Variants in THSD7A observed in about 807,000 individuals in gnomAD.
The protein encoded by THSD7A is thrombospondin type-1 domain-containing protein 7A.
A neutral mutation model predicts 231.3 loss-of-function variants in THSD7A; 96 were observed. The ratio of observed to expected loss-of-function variants is 0.41; its 90% confidence interval spans 0.35 to 0.49. THSD7A has a LOEUF of 0.49. Ranked by LOEUF, THSD7A falls within the 20% of genes least tolerant of loss-of-function variation. THSD7A has a pLI of 0.05. For synonymous variants in THSD7A, 940 were observed against 743.3 expected, an observed-to-expected ratio of 1.26 and a Z score of -4.30; for missense variants, 2,290 against 2,070.2, an observed-to-expected ratio of 1.11 and a Z score of -2.06.
intron 2 of THSD7A, among the ~76,000 whole-genome samples, chr7:11,616,626 G>T (rs954104405): frequency 1.3e-5 from 2 of 152,164 alleles, no homozygotes; most frequent in African/African-American, 2.4e-5. Context: ...GTGCCAGGAA[G>T]TAGTTCCCTT....
At chr7:11,737,056 T>C (rs956004520) in intron 1 of THSD7A, among the ~76,000 whole-genome samples, 18 of 152,196 alleles carry the variant, frequency 1.2e-4, no homozygotes, top group African/African-American at 4.3e-4. Flanking sequence ...GTAAGTTTCC[T>C]GAGGCCTCCC....
chr7:11,826,476 G>T (rs1009094641), intron 1 of THSD7A, among the ~76,000 whole-genome samples: 1 of 152,078 alleles, frequency 6.6e-6, no homozygotes, highest in African/African-American at 2.4e-5. Context: ...ATTTGGAATT[G>T]CCAAGTGAAT....
At chr7:11,655,064 AG>A (rs375308790) in intron 1 of THSD7A, among the ~76,000 whole-genome samples, 240 of 151,994 alleles carry the variant, frequency 1.6e-3, no homozygotes, top group African/African-American at 5.4e-3. Context: ...TATCTAAGCC[AG>A]GGTCAGAACC....
chr7:11,702,591 T>C (rs1230204276), intron 1 of THSD7A, among the ~76,000 whole-genome samples: 2 of 151,190 alleles, frequency 1.3e-5, no homozygotes, highest in Non-Finnish European at 1.5e-5. Flanking sequence ...TTAGGTCAAT[T>C]GAATTGCAGT....
At chr7:11,470,636 G>A (rs1261789786) in intron 8 of THSD7A, among the ~76,000 whole-genome samples, 1 of 151,190 alleles carries the variant, frequency 6.6e-6, no homozygotes, top group African/African-American at 2.4e-5. Flanking sequence ...TTTTCCATTA[G>A]TCCCTAGTTT....
rs1416390333 is a variant in THSD7A, at chr7:11,632,829, G to A, written c.1022+3301C>T. On this transcript the variant is annotated intron_variant, in intron 2 of 27. Coordinates refer to ENST00000423059, the MANE Select transcript of THSD7A (RefSeq NM_015204.3). This position sits in a 1 kb window ranked among gnomAD's most constrained non-coding sequence, Gnocchi z 4.1. ...TGTACAATTTCGATGTGTGAATCAA[G>A]GTCTTCTTTTAATTTCAGGAAAGTC... Among the ~76,000 whole-genome samples, 1 of 152,004 alleles carries A rather than the reference G, an allele frequency of 6.6e-6. No homozygotes were observed. Among genetic ancestry groups the A allele is most frequent in the Admixed American group, 6.6e-5 (1 of 15,244 alleles).
intron 1 of THSD7A, among the ~76,000 whole-genome samples, chr7:11,818,477 G>C (rs1784776712): frequency 6.6e-6 from 1 of 152,194 alleles, no homozygotes; most frequent in African/African-American, 2.4e-5. Context: ...TCAACGGGAA[G>C]GTCATGGGAG....
chr7:11,742,434 A>AT (rs1782144677), intron 1 of THSD7A, among the ~76,000 whole-genome samples: 2 of 151,802 alleles, frequency 1.3e-5, no homozygotes, highest in Admixed American at 1.3e-4. Flanking sequence ...CAATAAAGTG[A>AT]TTTTTTGTTG....
intron 1 of THSD7A, among the ~76,000 whole-genome samples, chr7:11,688,836 T>C (rs1256022393): frequency 1.3e-5 from 2 of 151,828 alleles, no homozygotes; most frequent in East Asian, 3.9e-4. Context: ...TTGCATTATC[T>C]CAGTTAATTC....
intron 1 of THSD7A, among the ~76,000 whole-genome samples, chr7:11,765,241 G>A (rs974805237): frequency 2.0e-5 from 3 of 152,150 alleles, no homozygotes; most frequent in African/African-American, 4.8e-5. Context: ...TCATCATGCT[G>A]TTGCTCATAC....
intron 1 of THSD7A, among the ~76,000 whole-genome samples, chr7:11,653,579 T>C (rs1730486061): frequency 6.6e-6 from 1 of 151,186 alleles, no homozygotes; most frequent in African/African-American, 2.4e-5. Flanking sequence ...GCACGTTACA[T>C]CCTGGATGTC....
At chr7:11,589,591 T>A (rs1173608562) in intron 4 of THSD7A, among the ~76,000 whole-genome samples, 1 of 152,212 alleles carries the variant, frequency 6.6e-6, no homozygotes, top group Non-Finnish European at 1.5e-5. Flanking sequence ...TTCCATGACA[T>A]GCAATCTGTA....
Position 11,824,397 on chromosome 7 carries a change from C to T in THSD7A, c.190+7360G>A, listed in dbSNP as rs1006869726. ...CTCCTAAAAGGACCCAAACTACAAT[C>T]GCACTTCACCAATAACCTACTCAGA... is the stretch of plus-strand genomic sequence containing the variant. On this transcript the variant is annotated intron_variant, in intron 1 of 27. Coordinates refer to ENST00000423059, the MANE Select transcript of THSD7A (RefSeq NM_015204.3). 4.6e-5 allele frequency among the ~76,000 whole-genome samples: 7 copies of T among 152,052 alleles called. No individual in the cohort carries two copies. The East Asian group carries it at 7.7e-4, about 17-fold the overall frequency.
intron 1 of THSD7A, among the ~76,000 whole-genome samples, chr7:11,768,772 T>C (rs1783111381): frequency 6.6e-6 from 1 of 152,094 alleles, no homozygotes; most frequent in Non-Finnish European, 1.5e-5. Flanking sequence ...AAATGCATTG[T>C]TTTTGAAGCC....
At chr7:11,508,197 C>A (rs1489548197) in intron 6 of THSD7A, among the ~76,000 whole-genome samples, 1 of 152,158 alleles carries the variant, frequency 6.6e-6, no homozygotes, top group Non-Finnish European at 1.5e-5. Context: ...GATTACAATT[C>A]AAGAGGAGAT....
chr7:11,608,354 T>C (rs1780807320), intron 2 of THSD7A, among the ~76,000 whole-genome samples: 1 of 152,114 alleles, frequency 6.6e-6, no homozygotes, highest in African/African-American at 2.4e-5. Flanking sequence ...AAAAGGAGAA[T>C]TACCAAGTAC....
chr7:11,817,895 A>T (rs1178047595), intron 1 of THSD7A, among the ~76,000 whole-genome samples: 1 of 151,982 alleles, frequency 6.6e-6, no homozygotes, highest in Non-Finnish European at 1.5e-5. Context: ...ACACACACAC[A>T]GGCAAATGCA....
At chr7:11,813,424 C>G (rs578247044) in intron 1 of THSD7A, among the ~76,000 whole-genome samples, 1 of 152,154 alleles carries the variant, frequency 6.6e-6, no homozygotes, top group Non-Finnish European at 1.5e-5. Context: ...GTTTAAAAAA[C>G]ATGGCTCAAC....
chr7:11,441,383 G>T (rs1350107739), intron 13 of THSD7A, among the ~76,000 whole-genome samples: 1 of 152,004 alleles, frequency 6.6e-6, no homozygotes, highest in Admixed American at 6.6e-5. Context: ...CATTTAAATA[G>T]AAATCTTGTA....
Sources: allele counts gnomAD v4.1 joint callset (sites outside exome capture counted in the v4.1 genomes callset), GRCh38; gene constraint gnomAD v4.1.1; non-coding constraint Gnocchi (gnomAD v3.1); transcripts MANE v1.5; gene names NCBI Gene and HGNC (gene_info 2026-07-23, HGNC 2026-07-21).